Variants in ELAVL4 observed in about 807,000 individuals in gnomAD.
ELAVL4 encodes ELAV-like protein 4.
Under a neutral mutation model 35.6 loss-of-function variants are expected in ELAVL4, and 1 was observed. That is an observed-to-expected ratio of 0.03 (90% CI 0.01 to 0.13). The LOEUF (loss-of-function observed/expected upper bound fraction) is 0.13. ELAVL4 is among the 10% of genes least tolerant of loss of function. The pLI is 1.00. For synonymous variants in ELAVL4, 156 were observed against 171.0 expected, an observed-to-expected ratio of 0.91 and a Z score of 0.69; for missense variants, 267 against 464.9, an observed-to-expected ratio of 0.57 and a Z score of 3.91.
chr1:50,082,993 AC>A (rs1343115218), intron 1 of ELAVL4, among the ~76,000 whole-genome samples: 1 of 152,112 alleles, frequency 6.6e-6, no homozygotes, highest in Non-Finnish European at 1.5e-5. Flanking sequence ...TGGGATTTTG[AC>A]CTTTTTGATA....
chr1:50,128,815 G>A (rs1252116117), intron 1 of ELAVL4, among the ~76,000 whole-genome samples: 2 of 152,064 alleles, frequency 1.3e-5, no homozygotes, highest in African/African-American at 4.8e-5. Context: ...TGCATTCCAG[G>A]GCTTATGGAA....
chr1:50,145,625 T>C (rs955902118), intron 2 of ELAVL4, among the ~76,000 whole-genome samples: 3 of 152,186 alleles, frequency 2.0e-5, no homozygotes, highest in African/African-American at 7.2e-5. Flanking sequence ...GGGGCCACTG[T>C]GGATGTGTGG....
chr1:50,149,169 A>G (rs1241849941), intron 2 of ELAVL4, among the ~76,000 whole-genome samples: 1 of 152,132 alleles, frequency 6.6e-6, no homozygotes, highest in Non-Finnish European at 1.5e-5. Flanking sequence ...TGGCCAAGGC[A>G]GATGGGTCAC....
chr1:50,157,299 CCTTT>C (rs1675940247), intron 2 of ELAVL4, among the ~76,000 whole-genome samples: 1 of 152,024 alleles, frequency 6.6e-6, no homozygotes, highest in African/African-American at 2.4e-5. Flanking sequence ...ACTTTTCGCA[CCTTT>C]CTGTGTGTTG....
chr1:50,148,713 A>C (rs912391794), intron 2 of ELAVL4, among the ~76,000 whole-genome samples: 14 of 152,210 alleles, frequency 9.2e-5, no homozygotes, highest in African/African-American at 3.4e-4. Flanking sequence ...TGCTGGGGAA[A>C]ACAAAGGAAG....
intron 1 of ELAVL4, among the ~76,000 whole-genome samples, chr1:50,131,472 A>T (rs1360984731): frequency 2.0e-5 from 3 of 152,094 alleles, no homozygotes; most frequent in Non-Finnish European, 4.4e-5. Flanking sequence ...ATAAAAATAC[A>T]TACAGTAGGA....
At chr1:50,053,550 A>C (rs1274864844) in intron 1 of ELAVL4, among the ~76,000 whole-genome samples, 2 of 152,064 alleles carry the variant, frequency 1.3e-5, no homozygotes, top group Non-Finnish European at 1.5e-5. Context: ...GGGTCTCTCT[A>C]TGTTGCCCAG....
At chr1:50,063,016 G>T (rs993081960) in intron 1 of ELAVL4, among the ~76,000 whole-genome samples, 4 of 152,088 alleles carry the variant, frequency 2.6e-5, no homozygotes, top group Non-Finnish European at 5.9e-5. Context: ...CCTCAAGAAG[G>T]TTTCATTCTG....
intron 1 of ELAVL4, among the ~76,000 whole-genome samples, chr1:50,067,730 C>T (rs150630862): frequency 6.6e-6 from 1 of 152,108 alleles, no homozygotes; most frequent in Non-Finnish European, 1.5e-5. Flanking sequence ...TAAAGGAGTG[C>T]CTGAGACTGG....
At chr1:50,050,055 A>G (rs4636518) in intron 1 of ELAVL4, among the ~76,000 whole-genome samples, 2,834 of 152,290 alleles carry the variant, frequency 0.019, 83 homozygotes, top group African/African-American at 0.065. Flanking sequence ...TAAATTAGAT[A>G]TTCTTGGTTC....
intron 2 of ELAVL4, among the ~76,000 whole-genome samples, chr1:50,156,273 T>G (rs902225320): frequency 6.6e-6 from 1 of 152,248 alleles, no homozygotes; most frequent in African/African-American, 2.4e-5. Flanking sequence ...CTCCATTTCC[T>G]CAATACACAG....
intron 1 of ELAVL4, among the ~76,000 whole-genome samples, chr1:50,131,747 A>G (rs1406092781): frequency 1.3e-5 from 2 of 152,056 alleles, no homozygotes; most frequent in Admixed American, 6.6e-5. Flanking sequence ...CAGAGATCAC[A>G]GCACTGCACT....
Position 50,177,155 on chromosome 1 carries a change from C to G in ELAVL4, c.317C>G (p.Thr106Ser). The G allele has an allele frequency of 1.2e-6, 2 of 1,614,002 alleles. No homozygotes were observed. Among genetic ancestry groups the G allele is most frequent in the Non-Finnish European group, 8.5e-7 (1 of 1,179,948 alleles). ...AAGGATGCAGAGAAAGCCATCAACA[C>G]TTTAAATGGACTCAGACTCCAGACC... is the stretch of plus-strand genomic sequence containing the variant. ...DPKDAEKAINTLNGLRLQTKT... is the reference protein window; with the variant it reads ...DPKDAEKAINSLNGLRLQTKT... The change falls in exon 3 of 7, where the codon ACT becomes AGT. Residue 106 changes from threonine (T) to serine (S), a missense_variant. Around this residue, in one of 2 missense-constraint regions of ELAVL4, gnomAD observed 216 missense variants for 409.5 expected, o/e 0.53. Coordinates refer to ENST00000371824, the MANE Select transcript of ELAVL4 (RefSeq NM_001144774.3).
At chr1:50,181,616 A>C (rs1403839990) in intron 3 of ELAVL4, among the ~76,000 whole-genome samples, 1 of 152,136 alleles carries the variant, frequency 6.6e-6, no homozygotes, top group Middle Eastern at 3.2e-3. Flanking sequence ...GACTTGCCTC[A>C]TGTAGGAGTT....
intron 2 of ELAVL4, among the ~76,000 whole-genome samples, chr1:50,156,122 T>C (rs140207077): frequency 1.3e-5 from 2 of 152,286 alleles, no homozygotes; most frequent in African/African-American, 4.8e-5. Context: ...CCAAACACTT[T>C]CTGGTCAGAA....
chr1:50,145,267 A>T (rs1226622930), intron 2 of ELAVL4, 70 bp downstream of exon 2: 8 of 1,595,762 alleles, frequency 5.0e-6, no homozygotes, highest in Non-Finnish European at 6.0e-6. Flanking sequence ...CACATGTGTG[A>T]TGGTGCACCT....
At chr1:50,164,903 T>C (rs1411151594) in intron 2 of ELAVL4, among the ~76,000 whole-genome samples, 2 of 152,210 alleles carry the variant, frequency 1.3e-5, no homozygotes, top group Non-Finnish European at 2.9e-5. Context: ...GGATATCCAA[T>C]AATGTCATGG....
At chr1:50,103,376 C>T (rs1482094312), upstream of ELAVL4, among the ~76,000 whole-genome samples, 1 of 151,902 alleles carries the variant, frequency 6.6e-6, no homozygotes, top group Non-Finnish European at 1.5e-5. Flanking sequence ...TCTTTCTTGC[C>T]TCTGTAGTAT....
chr1:50,126,723 C>T (rs948592700), intron 1 of ELAVL4, among the ~76,000 whole-genome samples: 1 of 151,994 alleles, frequency 6.6e-6, no homozygotes, highest in Non-Finnish European at 1.5e-5. Context: ...GAGAAAAAAG[C>T]ACAGTTTATT....
Sources: allele counts gnomAD v4.1 joint callset (sites outside exome capture counted in the v4.1 genomes callset), GRCh38; gene constraint gnomAD v4.1.1; regional missense constraint gnomAD v4.1.1; transcripts MANE v1.5; gene names NCBI Gene and HGNC (gene_info 2026-07-23, HGNC 2026-07-21).